The following AIF1L variants were observed in gnomAD, a reference collection of about 807,000 sequenced individuals.
AIF1L encodes the protein allograft inflammatory factor 1-like.
AIF1L carries 12 observed loss-of-function variants against 20.7 expected under a neutral mutation model. The ratio of observed to expected loss-of-function variants is 0.58; its 90% confidence interval spans 0.37 to 0.94. The LOEUF is 0.94. AIF1L is among the 40% of genes least tolerant of loss of function. The probability of loss-of-function intolerance (pLI) is 0.01; values close to 1 mark genes in which losing one functional copy is unlikely to be tolerated. For missense variants in AIF1L, 173 were observed against 185.3 expected (o/e 0.93, Z 0.39); for synonymous variants, 76 against 65.1 (o/e 1.17, Z -0.81).
chr9:131,115,909 G>C (rs986591653), intron 4 of AIF1L, among the ~76,000 whole-genome samples: 1 of 151,476 alleles, frequency 6.6e-6, no homozygotes, highest in African/African-American at 2.4e-5. Context: ...AGGAGGTGGA[G>C]GTTGCAGTGA....
Position 131,107,344 on chromosome 9 carries a change from T to C in AIF1L, c.94-4253T>C, listed in dbSNP as rs1008305423. 5.3e-5 allele frequency among the ~76,000 whole-genome samples: 8 copies of C among 152,182 alleles called. No homozygotes were observed. In the South Asian group the frequency reaches 8.3e-4, roughly 16 times the overall value. ...GTCTCTAAGGCCAGGGACCATGTCCTTCCACTTGCACCCATCCACCTACAG... is the reference window on the plus strand; with the variant it reads ...GTCTCTAAGGCCAGGGACCATGTCCCTCCACTTGCACCCATCCACCTACAG... On this transcript the variant is annotated intron_variant, in intron 2 of 5. Coordinates refer to ENST00000247291, the MANE Select transcript of AIF1L (RefSeq NM_031426.4).
chr9:131,096,548 G>T lies in AIF1L; in HGVS notation c.-82G>T, dbSNP rs1588176508. 3 of 1,455,720 alleles carry T rather than the reference G, an allele frequency of 2.1e-6. No individual in the cohort carries two copies. Among genetic ancestry groups the T allele is most frequent in the East Asian group, 6.0e-5 (2 of 33,384 alleles). 90.2% of individuals were successfully genotyped at this position (1,455,720 alleles called of 1,614,324 possible). A position where few individuals can be genotyped will look rare whatever the true frequency, so the allele number is the denominator to read the frequency against. ...CCGCGGCCACACGCAGCTAGCCGGA[G>T]CCCGGACCAGGCGCCTGTGCCTCCT... is the stretch of plus-strand genomic sequence containing the variant. On this transcript the variant is annotated 5_prime_UTR_variant, in exon 1 of 6. Coordinates refer to ENST00000247291, the MANE Select transcript of AIF1L (RefSeq NM_031426.4).
At chr9:131,096,711 G>A (rs1342304832) in intron 1 of AIF1L, 51 bp downstream of exon 1, 1 of 1,447,284 alleles carries the variant, frequency 6.9e-7, no homozygotes, top group African/African-American at 1.5e-5. Context: ...GGCGGACCGC[G>A]GGGTCCACCG....
chr9:131,100,647 C>T (rs1830618710), intron 2 of AIF1L, among the ~76,000 whole-genome samples: 1 of 152,246 alleles, frequency 6.6e-6, no homozygotes, highest in African/African-American at 2.4e-5. Context: ...AACTGGCCAG[C>T]ACCTCCTACT....
intron 2 of AIF1L, chr9:131,102,779 G>A (rs1475299897): frequency 2.5e-6 from 1 of 402,654 alleles, no homozygotes; most frequent in Non-Finnish European, 5.0e-6. Context: ...CCTGGCCCTG[G>A]CCCTTTAAGA....
chr9:131,108,691 G>A (rs1267162789), intron 2 of AIF1L, among the ~76,000 whole-genome samples: 2 of 152,244 alleles, frequency 1.3e-5, no homozygotes, highest in African/African-American at 2.4e-5. Flanking sequence ...CTGTTGCCAG[G>A]TAGGTTTCTC....
At chr9:131,116,517 T>C (rs7857304) in intron 4 of AIF1L, among the ~76,000 whole-genome samples, 1 of 152,134 alleles carries the variant, frequency 6.6e-6, no homozygotes, top group South Asian at 2.1e-4. Flanking sequence ...GCCTGCCTCG[T>C]CGTCCCAAAG....
chr9:131,102,562 G>A (rs767557205), intron 2 of AIF1L, among the ~76,000 whole-genome samples: 1 of 152,230 alleles, frequency 6.6e-6, no homozygotes, highest in Non-Finnish European at 1.5e-5. Flanking sequence ...TGGTGTGGCC[G>A]TGTCACAGGA....
At chr9:131,107,167 C>A (rs535723025) in intron 2 of AIF1L, among the ~76,000 whole-genome samples, 28 of 152,292 alleles carry the variant, frequency 1.8e-4, no homozygotes, top group African/African-American at 6.3e-4. Flanking sequence ...AGGGAGAGAA[C>A]CACGCAGATC....
intron 4 of AIF1L, 111 bp from the exon 5 acceptor site, chr9:131,117,645 G>A: frequency 1.7e-6 from 2 of 1,173,056 alleles, no homozygotes; most frequent in Non-Finnish European, 1.2e-6. Context: ...TAGAGAAGGA[G>A]TGCAGACGCC....
intron 2 of AIF1L, among the ~76,000 whole-genome samples, chr9:131,101,304 G>A (rs765764379): frequency 6.6e-6 from 1 of 152,100 alleles, no homozygotes; most frequent in Non-Finnish European, 1.5e-5. Flanking sequence ...GCAGACAGAT[G>A]CACAGTGAGA....
chr9:131,115,758 G>A (rs1830998405), intron 4 of AIF1L, among the ~76,000 whole-genome samples: 1 of 151,870 alleles, frequency 6.6e-6, no homozygotes, highest in Non-Finnish European at 1.5e-5. Context: ...CGGATCACAT[G>A]AGATCAGGAG....
At chr9:131,096,723 G>C in intron 1 of AIF1L, 63 bp downstream of exon 1, 1 of 1,450,552 alleles carries the variant, frequency 6.9e-7, no homozygotes, top group South Asian at 1.4e-5. Flanking sequence ...GGTCCACCGC[G>C]CGCGGGAAGC....
chr9:131,112,380 C>G (rs1242340817), intron 3 of AIF1L: 1 of 152,350 alleles, frequency 6.6e-6, no homozygotes, highest in Non-Finnish European at 1.5e-5. Flanking sequence ...TGTGAGCATC[C>G]TCCCGGCTCC....
chr9:131,103,923 G>A (rs1365545215), intron 2 of AIF1L, among the ~76,000 whole-genome samples: 2 of 152,204 alleles, frequency 1.3e-5, no homozygotes, highest in Non-Finnish European at 2.9e-5. Context: ...GGCAAGGCCT[G>A]TCCCTTCCGG....
At chr9:131,111,224 A>G (rs924310784) in intron 2 of AIF1L, among the ~76,000 whole-genome samples, 1 of 150,864 alleles carries the variant, frequency 6.6e-6, no homozygotes, top group Non-Finnish European at 1.5e-5. Flanking sequence ...TCAGGATCAC[A>G]TTCCTAAGAA....
intron 2 of AIF1L, among the ~76,000 whole-genome samples, chr9:131,109,793 C>A (rs1393231203): frequency 6.6e-6 from 1 of 152,196 alleles, no homozygotes; most frequent in African/African-American, 2.4e-5. Context: ...CAGATGAACA[C>A]CTGCAATCTG....
chr9:131,113,066 G>C (rs961863966), intron 3 of AIF1L, among the ~76,000 whole-genome samples: 8 of 152,166 alleles, frequency 5.3e-5, no homozygotes, highest in African/African-American at 1.9e-4. Context: ...TTCTCGCTCG[G>C]GGGGCGGTGT....
At chr9:131,109,364 G>C (rs1175500874) in intron 2 of AIF1L, among the ~76,000 whole-genome samples, 1 of 152,070 alleles carries the variant, frequency 6.6e-6, no homozygotes, top group Non-Finnish European at 1.5e-5. Context: ...TTCAAGACCA[G>C]CCTGGCCAAC....
Sources: gnomAD v4.1 joint callset for allele counts (sites outside exome capture counted in the v4.1 genomes callset) on GRCh38, gnomAD v4.1.1 for gene constraint, MANE v1.5 for transcripts, NCBI Gene and HGNC (gene_info 2026-07-23, HGNC 2026-07-21) for gene names.